The following ANO7 variants were observed in gnomAD, a reference collection of about 807,000 sequenced individuals.
ANO7 encodes the protein anoctamin 7.
Under a neutral mutation model 115.8 loss-of-function variants are expected in ANO7, and 114 were observed. The observed-to-expected ratio is 0.98, with a 90% CI of 0.85 to 1.15. ANO7 has a LOEUF of 1.15. Among genes scored for constraint, ANO7 ranks in the 50% most tolerant of loss-of-function variants. ANO7 has a pLI of 0.00. For missense variants in ANO7, 1,302 were observed against 1,201.2 expected (o/e 1.08, Z -1.24); for synonymous variants, 550 against 498.2 (o/e 1.10, Z -1.38).
At position 241,218,288 on chromosome 2, in the gene ANO7, G is replaced by A. The variant is rs776890700; in HGVS notation, c.2228G>A (p.Arg743Gln). The change falls in exon 21 of 25, where the codon CGG (arginine) becomes CAG (glutamine). Residue 743 changes from arginine (R) to glutamine (Q), a missense_variant. Arg to Gln is a conservative substitution (Grantham distance 43). Coordinates refer to ENST00000674324, the MANE Select transcript of ANO7 (RefSeq NM_001370694.2). ...GACTTCCTGCCGCGCGCCTACTACC[G>A]GTGGACCCGCGCCCACGACCTGCGC... ...SSDFLPRAYY[R>Q]WTRAHDLRGF... The A allele has an allele frequency of 1.3e-6, 2 of 1,535,714 alleles. No homozygotes were observed. Among genetic ancestry groups the A allele is most frequent in the South Asian group, 2.4e-5 (2 of 84,986 alleles).
At chr2:241,228,200 G>C (rs764728993), downstream of ANO7, 1 of 152,268 alleles carries the variant, frequency 6.6e-6, no homozygotes, top group Non-Finnish European at 1.5e-5. Context: ...CAAGTACCTG[G>C]GACAGGACAA....
chr2:241,219,762 T>A, intron 21 of ANO7, among the ~76,000 whole-genome samples: 1 of 142,428 alleles, frequency 7.0e-6, no homozygotes, highest in East Asian at 2.0e-4. Flanking sequence ...TTTAAAGAGA[T>A]GGGGTCTTAC....
intron 21 of ANO7, among the ~76,000 whole-genome samples, chr2:241,219,504 G>A (rs1369051864): frequency 6.6e-6 from 1 of 151,630 alleles, no homozygotes; most frequent in Non-Finnish European, 1.5e-5. Flanking sequence ...TTGCTTATTT[G>A]GAACCGATGG....
chr2:241,203,214 A>C lies in ANO7; in HGVS notation c.724-119A>C. On this transcript the variant is annotated intron_variant, in intron 8 of 24. Transcript: ENST00000674324. The surrounding 1 kb of genome is among the most constrained non-coding windows in gnomAD (Gnocchi z 4.8). Reference sequence around the variant, plus strand: ...ACATTACTCTATTTTTTCTTCATGGAGCAATCCCAGACTCCCAGGCCTGTC... The same window carrying C: ...ACATTACTCTATTTTTTCTTCATGGCGCAATCCCAGACTCCCAGGCCTGTC... 1.4e-6 allele frequency: 1 copy of C among 719,022 alleles called. No homozygotes were observed. The highest frequency in any genetic ancestry group is 2.1e-6 in the Non-Finnish European group (1 of 470,710). 44.5% of individuals were successfully genotyped at this position (719,022 alleles called of 1,614,324 possible).
rs138190598 is a variant in ANO7, at chr2:241,210,491, G to A, written c.1482G>A (p.Thr494=). ...AGGCCTCTCGCATCGCCAGCCTCAC[G>A]GGGTCTGTAGTGAACCTCGTCTTCA... ...AAWASRIASL[T]GSVVNLVFIL... Residue 494 remains threonine (T), a synonymous_variant, in exon 15 of 25, where the codon ACG becomes ACA. Coordinates refer to ENST00000674324, the MANE Select transcript of ANO7 (RefSeq NM_001370694.2). 424 of 1,614,038 alleles carry A rather than the reference G, an allele frequency of 2.6e-4. 1 individual carries two copies. In the African/African-American group the frequency reaches 4.1e-3, roughly 16 times the overall value.
At chr2:241,211,827 C>G (rs759139509) in intron 15 of ANO7, among the ~76,000 whole-genome samples, 14 of 152,228 alleles carry the variant, frequency 9.2e-5, no homozygotes, top group Non-Finnish European at 1.6e-4. Context: ...TTCTGTTTCT[C>G]TGACCCATCC....
intron 23 of ANO7, 41 bp from the exon 24 acceptor site, chr2:241,223,864 G>A (rs1362850601): frequency 6.2e-7 from 1 of 1,613,986 alleles, no homozygotes; most frequent in African/African-American, 1.3e-5. Context: ...CGGACACTGA[G>A]TCACATCCCT....
intron 15 of ANO7, among the ~76,000 whole-genome samples, chr2:241,211,306 T>C (rs2068714649): frequency 2.2e-5 from 3 of 136,504 alleles, no homozygotes; most frequent in Non-Finnish European, 4.7e-5. Flanking sequence ...TCTCAGTTCT[T>C]CCCTCCCCCT....
intron 4 of ANO7, among the ~76,000 whole-genome samples, chr2:241,197,405 A>T (rs954496883): frequency 2.8e-4 from 43 of 151,810 alleles, no homozygotes; most frequent in African/African-American, 1.0e-3. Flanking sequence ...AGGCCTAACG[A>T]GACAGGGTCT....
intron 3 of ANO7, among the ~76,000 whole-genome samples, chr2:241,194,506 T>G (rs1485421254): frequency 6.6e-6 from 1 of 151,372 alleles, no homozygotes. Flanking sequence ...TTTTAGTAGA[T>G]ATGGGGTTTC....
Position 241,190,055 on chromosome 2 carries a change from A to G in ANO7, c.-7-2A>G. ...ATCCCCACCCGGCCTTGCTGGGTGC[A>G]GGAGCAGGATGCTGCGGCGACGGGC... is the stretch of plus-strand genomic sequence containing the variant. On this transcript the variant is annotated splice_acceptor_variant, in intron 1 of 24. Coordinates refer to ENST00000674324, the MANE Select transcript of ANO7 (RefSeq NM_001370694.2). LOFTEE classifies it low-confidence loss of function (5UTR_SPLICE). The G allele has an allele frequency of 6.4e-7, 1 of 1,567,330 alleles. No individual in the cohort carries two copies. Among genetic ancestry groups the G allele is most frequent in the Non-Finnish European group, 8.6e-7 (1 of 1,156,350 alleles).
At chr2:241,230,650 T>G, downstream of ANO7, 1 of 926,390 alleles carries the variant, frequency 1.1e-6, no homozygotes, top group East Asian at 2.6e-5. The surrounding 1 kb of genome is among the most constrained non-coding windows in gnomAD (Gnocchi z 5.0). Flanking sequence ...GCCCTGGGGT[T>G]GTGGCCTCAT....
At chr2:241,229,916 G>A (rs1229842354), downstream of ANO7, 4 of 1,602,574 alleles carry the variant, frequency 2.5e-6, no homozygotes, top group Non-Finnish European at 2.6e-6. Flanking sequence ...TGTGCTGGGG[G>A]TTTCATGTAT....
At chr2:241,232,257 C>A in the ANO7 span, among the ~76,000 whole-genome samples, 7 of 151,428 alleles carry the variant, frequency 4.6e-5, no homozygotes. Context: ...ATGGAATAGT[C>A]TAATTGCTAA....
chr2:241,226,446 AT>A (rs2069173269), downstream of ANO7, among the ~76,000 whole-genome samples: 5 of 149,500 alleles, frequency 3.3e-5, no homozygotes, highest in South Asian at 1.1e-3. Context: ...TTTTTTTGAG[AT>A]GGAGTCTCGC....
chr2:241,217,605 G>A, intron 19 of ANO7, 81 bp from the exon 20 acceptor site: 2 of 1,471,212 alleles, frequency 1.4e-6, no homozygotes, highest in Non-Finnish European at 1.8e-6. Flanking sequence ...ACGTGGACTG[G>A]CCGGTCCTCC....
At chr2:241,234,077 C>T in the ANO7 span, 875 of 1,258,656 alleles carry the variant, frequency 7.0e-4, 4 homozygotes, top group African/African-American at 0.011. Context: ...TTCTGTAACC[C>T]GTGGTCCGGA....
Position 241,189,679 on chromosome 2 carries a change from G to A in ANO7, c.-7-378G>A, listed in dbSNP as rs577115018. Among the ~76,000 whole-genome samples, 3 of 152,262 alleles carry A rather than the reference G, an allele frequency of 2.0e-5. No homozygotes were observed. The East Asian group carries it at 5.8e-4, about 29-fold the overall frequency. ...CCTGGCTCACATGGCTCCACCCTACGGATAAGAGAGGGAGAGGTGTCTGTA... is the reference window on the plus strand; with the variant it reads ...CCTGGCTCACATGGCTCCACCCTACAGATAAGAGAGGGAGAGGTGTCTGTA... On this transcript the variant is annotated intron_variant, in intron 1 of 24. Coordinates refer to ENST00000674324, the MANE Select transcript of ANO7 (RefSeq NM_001370694.2).
the ANO7 span, chr2:241,236,318 T>C: frequency 1.4e-5 from 6 of 414,004 alleles, no homozygotes; most frequent in African/African-American, 2.0e-5. Context: ...TTCATCCCCC[T>C]GCAGCTGAGA....
Sources: allele counts gnomAD v4.1 joint callset (sites outside exome capture counted in the v4.1 genomes callset), GRCh38; gene constraint gnomAD v4.1.1; non-coding constraint Gnocchi (gnomAD v3.1); transcripts MANE v1.5; gene names NCBI Gene and HGNC (gene_info 2026-07-23, HGNC 2026-07-21).